The following CNTNAP5 variants were observed in gnomAD, a reference collection of about 807,000 sequenced individuals.
CNTNAP5 encodes contactin-associated protein-like 5.
In CNTNAP5, 72 loss-of-function variants were observed where a neutral mutation model predicts 150.2. The observed-to-expected ratio is 0.48, with a 90% CI of 0.40 to 0.58. CNTNAP5 has a LOEUF of 0.58. Among genes scored for constraint, CNTNAP5 ranks in the 20% least tolerant of loss-of-function variants. The pLI is 0.00. For missense variants in CNTNAP5, 1,636 were observed against 1,626.2 expected (o/e 1.01, Z -0.10); for synonymous variants, 672 against 619.8 (o/e 1.08, Z -1.25).
intron 1 of CNTNAP5, among the ~76,000 whole-genome samples, chr2:124,188,126 G>A (rs1369296759): frequency 6.6e-6 from 1 of 152,102 alleles, no homozygotes; most frequent in Non-Finnish European, 1.5e-5. Flanking sequence ...TTGGGAGCTG[G>A]GAGACCCTGT....
At chr2:124,118,922 T>C (rs1683491988) in intron 1 of CNTNAP5, among the ~76,000 whole-genome samples, 1 of 152,192 alleles carries the variant, frequency 6.6e-6, no homozygotes, top group Non-Finnish European at 1.5e-5. Context: ...CAAATACTCT[T>C]TCATGTATAC....
chr2:124,903,191 G>A, intron 22 of CNTNAP5, 91 bp downstream of exon 22: 2 of 774,750 alleles, frequency 2.6e-6, no homozygotes, highest in Non-Finnish European at 1.9e-6. Context: ...GTTGGCTAAT[G>A]TGACTCAGTT....
Position 124,025,801 on chromosome 2 carries a change from A to G in CNTNAP5, c.82+69A>G, listed in dbSNP as rs1017711703. On this transcript the variant is annotated intron_variant, in intron 1 of 23. Coordinates refer to ENST00000682447, the MANE Select transcript of CNTNAP5 (RefSeq NM_001367498.1). The stretch of plus-strand genomic sequence containing the variant: ...ATCGCATTCAGAAAGACAATCAACT[A>G]TCTAAGCGTACTCGATTGTGTCTGC... The G allele has an allele frequency of 1.1e-5, 14 of 1,241,720 alleles. No individual in the cohort carries two copies. In the African/African-American group the frequency reaches 1.2e-4, roughly 11 times the overall value. The allele number at this position is 1,241,720 out of a possible 1,614,324, so 76.9% of individuals were successfully genotyped here.
intron 13 of CNTNAP5, among the ~76,000 whole-genome samples, chr2:124,704,064 G>A (rs1679581415): frequency 1.3e-5 from 2 of 152,118 alleles, no homozygotes; most frequent in Non-Finnish European, 2.9e-5. Context: ...ATTTTTTCCT[G>A]TTGTGGCACA....
intron 20 of CNTNAP5, among the ~76,000 whole-genome samples, chr2:124,868,162 C>T (rs1263449180): frequency 6.6e-6 from 1 of 152,104 alleles, no homozygotes; most frequent in African/African-American, 2.4e-5. Flanking sequence ...GGCTGTCTAT[C>T]CTCAACATAG....
At chr2:124,194,510 A>G (rs1055995447) in intron 1 of CNTNAP5, among the ~76,000 whole-genome samples, 10 of 150,504 alleles carry the variant, frequency 6.6e-5, no homozygotes, top group Admixed American at 1.3e-4. Context: ...TTTACTGGTC[A>G]TCTGTGTGCT....
chr2:124,705,151 C>T (rs934345347), intron 13 of CNTNAP5, among the ~76,000 whole-genome samples: 19 of 152,148 alleles, frequency 1.2e-4, no homozygotes, highest in East Asian at 5.8e-4. Context: ...TAGAGTGTAG[C>T]GTATGTACAA....
At chr2:124,751,058 G>T (rs910202975) in intron 14 of CNTNAP5, among the ~76,000 whole-genome samples, 2 of 151,706 alleles carry the variant, frequency 1.3e-5, no homozygotes, top group Non-Finnish European at 2.9e-5. Flanking sequence ...AAATACATGG[G>T]TTTAAAAAAT....
intron 1 of CNTNAP5, among the ~76,000 whole-genome samples, chr2:124,063,239 C>T (rs140067156): frequency 7.2e-5 from 11 of 152,124 alleles, no homozygotes; most frequent in African/African-American, 2.6e-4. Flanking sequence ...AACAAAAAGT[C>T]ATTCAACACT....
chr2:124,814,800 C>A lies in CNTNAP5; in HGVS notation c.3217+16480C>A, dbSNP rs1682314212. On this transcript the variant is annotated intron_variant, in intron 19 of 23. Coordinates refer to ENST00000682447, the MANE Select transcript of CNTNAP5 (RefSeq NM_001367498.1). ...ATGGATTGCACTCTTCTTCTTATTT[C>A]TAATTTTGATAGATATTTTTCTTCT... 2.0e-5 allele frequency among the ~76,000 whole-genome samples: 3 copies of A among 152,204 alleles called. No homozygotes were observed. The South Asian group carries it at 6.2e-4, about 32-fold the overall frequency.
At chr2:124,868,215 T>G (rs1431578226) in intron 20 of CNTNAP5, among the ~76,000 whole-genome samples, 2 of 152,170 alleles carry the variant, frequency 1.3e-5, no homozygotes, top group Non-Finnish European at 2.9e-5. Context: ...CTGGCATTCT[T>G]TTGTCCAAAC....
intron 6 of CNTNAP5, among the ~76,000 whole-genome samples, chr2:124,449,330 A>T (rs1322501961): frequency 1.3e-5 from 2 of 151,784 alleles, no homozygotes; most frequent in African/African-American, 4.9e-5. Context: ...CAAAGAAAAG[A>T]GATATTTTTT....
chr2:124,129,556 A>T (rs926445811), intron 1 of CNTNAP5, among the ~76,000 whole-genome samples: 1 of 152,212 alleles, frequency 6.6e-6, no homozygotes, highest in African/African-American at 2.4e-5. Context: ...GGCAAGGAAG[A>T]GGGGTGAGTG....
intron 1 of CNTNAP5, among the ~76,000 whole-genome samples, chr2:124,047,047 C>T (rs948713715): frequency 6.6e-6 from 1 of 152,116 alleles, no homozygotes; most frequent in Admixed American, 6.6e-5. Context: ...TCAATCACAG[C>T]CTAAGAATCG....
intron 3 of CNTNAP5, among the ~76,000 whole-genome samples, chr2:124,387,484 T>C (rs112291534): frequency 0.016 from 2,491 of 152,302 alleles, 67 homozygotes; most frequent in African/African-American, 0.057. Context: ...AGATGGATTA[T>C]CATTAGTTCT....
chr2:124,567,788 A>G (rs1284152971), intron 11 of CNTNAP5, among the ~76,000 whole-genome samples: 1 of 152,086 alleles, frequency 6.6e-6, no homozygotes, highest in Non-Finnish European at 1.5e-5. Context: ...AATCCAAATT[A>G]AGATTAAAAG....
At chr2:124,111,133 C>T (rs542039700) in intron 1 of CNTNAP5, among the ~76,000 whole-genome samples, 4 of 152,248 alleles carry the variant, frequency 2.6e-5, no homozygotes, top group Admixed American at 2.6e-4. Flanking sequence ...CTGTTATTAT[C>T]TGGCTGGAAG....
chr2:124,698,250 G>C (rs998089379), intron 13 of CNTNAP5, among the ~76,000 whole-genome samples: 2 of 151,932 alleles, frequency 1.3e-5, no homozygotes, highest in Admixed American at 6.6e-5. Context: ...CTGCATAAAG[G>C]CTGAGGAAAG....
intron 17 of CNTNAP5, among the ~76,000 whole-genome samples, chr2:124,777,775 A>ATGTGTGTGTGTGTG (rs35863925): frequency 3.8e-5 from 5 of 130,600 alleles, no homozygotes; most frequent in East Asian, 2.4e-4. Context: ...GAATGGAGGG[A>ATGTGTGTGTGTGTG]TGTGTGTGTG....
Sources: allele counts gnomAD v4.1 joint callset (sites outside exome capture counted in the v4.1 genomes callset), GRCh38; gene constraint gnomAD v4.1.1; transcripts MANE v1.5; gene names NCBI Gene and HGNC (gene_info 2026-07-23, HGNC 2026-07-21).